The following DISC1 variants were observed in gnomAD, a reference collection of about 807,000 sequenced individuals.
DISC1 encodes the protein disrupted in schizophrenia 1 protein.
Under a neutral mutation model 84.5 loss-of-function variants are expected in DISC1, and 57 were observed. The ratio of observed to expected loss-of-function variants is 0.67; its 90% CI spans 0.55 to 0.84. The LOEUF (loss-of-function observed/expected upper bound fraction) is 0.84, where lower values mean the gene tolerates loss of function less well. Among genes scored for constraint, DISC1 ranks in the 40% least tolerant of loss-of-function variants. DISC1 has a pLI of 0.00. For synonymous variants in DISC1, 411 were observed against 415.2 expected (o/e 0.99, Z 0.12); for missense variants, 1,000 against 1,057.8 (o/e 0.95, Z 0.76).
At chr1:231,788,303 C>G (rs2078047032) in intron 6 of DISC1, among the ~76,000 whole-genome samples, 1 of 152,006 alleles carries the variant, frequency 6.6e-6, no homozygotes, top group Non-Finnish European at 1.5e-5. Flanking sequence ...CAAAAAAAGT[C>G]CAAGAATCAA....
intron 9 of DISC1, among the ~76,000 whole-genome samples, chr1:231,863,269 C>T (rs1431767828): frequency 2.8e-5 from 3 of 108,716 alleles, no homozygotes; most frequent in African/African-American, 7.1e-5. Context: ...GGGTCTCTGT[C>T]GCCCGGGATG....
At chr1:231,827,380 A>G (rs1001908560) in intron 9 of DISC1, among the ~76,000 whole-genome samples, 1 of 152,246 alleles carries the variant, frequency 6.6e-6, no homozygotes, top group Non-Finnish European at 1.5e-5. Context: ...GAGGTTTTGC[A>G]GAATTTAATT....
intron 9 of DISC1, among the ~76,000 whole-genome samples, chr1:231,892,377 G>A (rs2087299251): frequency 6.6e-6 from 1 of 152,106 alleles, no homozygotes; most frequent in Non-Finnish European, 1.5e-5. Flanking sequence ...CCAAGGGTGT[G>A]GGGTGTGGTG....
rs970581478 is a variant in DISC1, at chr1:231,955,291, A to G, written c.1982-3537A>G. 3.3e-5 allele frequency among the ~76,000 whole-genome samples: 5 copies of G among 152,072 alleles called. No individual in the cohort carries two copies. In the South Asian group the frequency reaches 6.2e-4, roughly 19 times the overall value. ...ATGTCTCTGTTCCAGAACTTTCCCAAACTCCAGACTCAGATATCCAACCTC... is the reference window on the plus strand; with the variant it reads ...ATGTCTCTGTTCCAGAACTTTCCCAGACTCCAGACTCAGATATCCAACCTC... On this transcript the variant is annotated intron_variant, in intron 9 of 12. Transcript: ENST00000439617.
chr1:231,788,673 TA>T (rs1249399429), intron 6 of DISC1, among the ~76,000 whole-genome samples: 1 of 152,198 alleles, frequency 6.6e-6, no homozygotes, highest in Non-Finnish European at 1.5e-5. Context: ...AGATGCAATT[TA>T]AAAAGAAGAG....
chr1:231,922,666 C>T (rs1459845056), intron 9 of DISC1, among the ~76,000 whole-genome samples: 1 of 151,748 alleles, frequency 6.6e-6, no homozygotes, highest in Non-Finnish European at 1.5e-5. Context: ...TGACCCCACC[C>T]AGCCCTCCAG....
Position 232,026,549 on chromosome 1 carries a change from A to G in DISC1, c.2422A>G (p.Ile808Val). The G allele has an allele frequency of 6.4e-7, 1 of 1,563,134 alleles. No individual in the cohort carries two copies. Among genetic ancestry groups the G allele is most frequent in the Non-Finnish European group, 8.8e-7 (1 of 1,139,094 alleles). ...TAIHSHDEDL[I>V]QSLRRELQMV... ...AATCCACAGTCATGATGAAGATCTC[A>G]TTCATATCCTTTTCATCTTGCAGAT... Residue 808 changes from isoleucine (I) to valine (V), a missense_variant, in exon 12 of 13, where the codon ATT becomes GTT. By Grantham distance (29) the Ile-to-Val change is conservative. Around this residue, in one of 3 missense-constraint regions of DISC1, gnomAD observed 397 missense variants for 377.5 expected, o/e 1.05. Coordinates refer to ENST00000439617, the MANE Select transcript of DISC1 (RefSeq NM_018662.3).
chr1:231,772,829 A>G (rs943207526), intron 6 of DISC1, among the ~76,000 whole-genome samples: 1 of 152,162 alleles, frequency 6.6e-6, no homozygotes, highest in Non-Finnish European at 1.5e-5. Flanking sequence ...GGAGTTACTT[A>G]AGATCTCCTC....
intron 9 of DISC1, among the ~76,000 whole-genome samples, chr1:231,886,828 T>TTTCC (rs1574411544): frequency 2.4e-5 from 3 of 124,442 alleles, no homozygotes; most frequent in Non-Finnish European, 3.5e-5. Context: ...TCTTTCTTTC[T>TTTCC]TTCTTTCCTT....
At chr1:231,639,134 G>C (rs951277440) in intron 1 of DISC1, among the ~76,000 whole-genome samples, 1 of 152,142 alleles carries the variant, frequency 6.6e-6, no homozygotes, top group Non-Finnish European at 1.5e-5. Flanking sequence ...TAACGGTTGG[G>C]TTAGAAAGAG....
chr1:231,769,264 G>T (rs2076381527), intron 5 of DISC1, among the ~76,000 whole-genome samples: 1 of 152,106 alleles, frequency 6.6e-6, no homozygotes, highest in African/African-American at 2.4e-5. Flanking sequence ...CCCCTTCTGG[G>T]TATATATCTG....
intron 3 of DISC1, among the ~76,000 whole-genome samples, chr1:231,728,090 T>G (rs973942620): frequency 6.6e-6 from 1 of 152,226 alleles, no homozygotes; most frequent in Admixed American, 6.5e-5. Context: ...TGATTTTTTT[T>G]TCGTATGCTA....
At chr1:231,680,178 A>T (rs1176997488) in intron 1 of DISC1, among the ~76,000 whole-genome samples, 2 of 152,190 alleles carry the variant, frequency 1.3e-5, no homozygotes, top group Admixed American at 1.3e-4. Context: ...TAGTGAGCCG[A>T]GATCGTGCCA....
At chr1:231,762,521 T>G (rs1166801897) in intron 4 of DISC1, among the ~76,000 whole-genome samples, 1 of 149,244 alleles carries the variant, frequency 6.7e-6, no homozygotes, top group Admixed American at 6.7e-5. Flanking sequence ...TTTGTTTTTT[T>G]TTTTTTTTTG....
At chr1:231,930,292 G>C (rs561815303) in intron 9 of DISC1, among the ~76,000 whole-genome samples, 1 of 152,210 alleles carries the variant, frequency 6.6e-6, no homozygotes, top group East Asian at 1.9e-4. Context: ...GAGTTCACAG[G>C]GTAGCCCGAT....
intron 10 of DISC1, among the ~76,000 whole-genome samples, chr1:231,966,972 C>T (rs1290864167): frequency 6.6e-6 from 1 of 152,172 alleles, no homozygotes; most frequent in Non-Finnish European, 1.5e-5. Flanking sequence ...CCCTTCTTAG[C>T]TTTAGAAGGA....
At position 231,869,057 on chromosome 1, in the gene DISC1, A is replaced by G. The variant is rs1223231617; in HGVS notation, c.1981+50540A>G. Among the ~76,000 whole-genome samples, 3 of 152,024 alleles carry G rather than the reference A, an allele frequency of 2.0e-5. No individual in the cohort carries two copies. In the East Asian group the frequency reaches 5.8e-4, roughly 29 times the overall value. On this transcript the variant is annotated intron_variant, in intron 9 of 12. Transcript: ENST00000439617. ...GCCACGTTGCTGGACCCATAATGAG[A>G]AGCTTCAGAAGGTTGATAGAGAGTG...
At chr1:231,662,712 G>A in intron 1 of DISC1, among the ~76,000 whole-genome samples, 1 of 152,216 alleles carries the variant, frequency 6.6e-6, no homozygotes, top group East Asian at 1.9e-4. Context: ...GTATGCCTAA[G>A]TTAAGTTGGT....
At chr1:231,803,946 C>CAA (rs59401177) in intron 8 of DISC1, among the ~76,000 whole-genome samples, 1 of 55,364 alleles carries the variant, frequency 1.8e-5, no homozygotes, top group Non-Finnish European at 3.0e-5. Context: ...GACTCCGTCT[C>CAA]AAAAAAAAAA....
Sources: allele counts gnomAD v4.1 joint callset (sites outside exome capture counted in the v4.1 genomes callset), GRCh38; gene constraint gnomAD v4.1.1; regional missense constraint gnomAD v4.1.1; transcripts MANE v1.5; gene names NCBI Gene and HGNC (gene_info 2026-07-23, HGNC 2026-07-21).